The following SMIM27 variants were observed in gnomAD, a reference collection of about 807,000 sequenced individuals.
SMIM27 encodes TOPORS antisense RNA 1 (non-protein coding).
A neutral mutation model predicts 1.8 loss-of-function variants in SMIM27; 3 were observed. The ratio of observed to expected loss-of-function variants is 1.65; its 90% CI spans 0.75 to 4.28. SMIM27 has a LOEUF of 4.28. Ranked by LOEUF, SMIM27 falls within the 30% of genes most tolerant of loss-of-function variation. SMIM27 has a pLI of 0.02. For missense variants in SMIM27, 63 were observed against 37.0 expected, an observed-to-expected ratio of 1.70 and a Z score of -1.83; for synonymous variants, 19 against 13.9, an observed-to-expected ratio of 1.37 and a Z score of -0.82.
exon 2 of SMIM27, chr9:32,566,391 G>T: frequency 9.7e-7 from 1 of 1,028,062 alleles, no homozygotes; most frequent in East Asian, 2.4e-5. Context: ...TGTGATCCAG[G>T]TTCCAGGTCC....
upstream of SMIM27, chr9:32,552,176 A>G (rs1260840532): frequency 1.6e-4 from 8 of 48,524 alleles, no homozygotes; most frequent in Admixed American, 1.8e-3. Context: ...TTAGTTGGCA[A>G]AAAAAAAAAA....
intron 1 of SMIM27, 135 bp downstream of exon 1, chr9:32,552,614 C>T: frequency 1.3e-6 from 1 of 773,440 alleles, no homozygotes; most frequent in Non-Finnish European, 2.2e-6. Flanking sequence ...ACCTCGACTC[C>T]GCCTCTTCCT....
At chr9:32,555,588 A>G (rs1192492413), downstream of SMIM27, among the ~76,000 whole-genome samples, 1 of 152,232 alleles carries the variant, frequency 6.6e-6, no homozygotes, top group Admixed American at 6.5e-5. Flanking sequence ...TTTTCTTTTC[A>G]TGCTTCTAAA....
chr9:32,552,998 A>G lies in SMIM27; in HGVS notation c.*75A>G. ...TGTAGATATAAAAATAAAATTCATA[A>G]TGCAAAGTTCCCAAGTTTATTTTTG... On this transcript the variant is annotated 3_prime_UTR_variant, in exon 2 of 2. Coordinates refer to ENST00000692500, the MANE Select transcript of SMIM27 (RefSeq NM_001387564.1). 1.7e-6 allele frequency: 1 copy of G among 602,252 alleles called. No individual in the cohort carries two copies. The allele number at this position is 602,252 out of a possible 1,614,324, so 37.3% of individuals were successfully genotyped here.
downstream of SMIM27, chr9:32,553,728 TCA>T (rs1491210434): frequency 1.0e-5 from 6 of 593,754 alleles, no homozygotes; most frequent in African/African-American, 5.7e-5. Context: ...GTTAAATTAC[TCA>T]GTCTCAAATT....
At position 32,552,480 on chromosome 9, in the gene SMIM27, G is replaced by C; in HGVS notation, c.45+1G>C. On this transcript the variant is annotated splice_donor_variant, in intron 1 of 1. Coordinates refer to ENST00000692500, the MANE Select transcript of SMIM27 (RefSeq NM_001387564.1). LOFTEE classifies it high-confidence loss of function. ...CACGCTGGACTGGATTTATTCAGTG[G>C]TAAGTCCCGGGGATCGCGGGCCCCC... The C allele has an allele frequency of 6.3e-7, 1 of 1,594,156 alleles. No homozygotes were observed. Among genetic ancestry groups the C allele is most frequent in the Non-Finnish European group, 8.5e-7 (1 of 1,170,808 alleles).
At chr9:32,563,706 CAT>C (rs1326256899) in intron 1 of SMIM27, among the ~76,000 whole-genome samples, 1 of 152,062 alleles carries the variant, frequency 6.6e-6, no homozygotes, top group African/African-American at 2.4e-5. Context: ...CTAATTCTAT[CAT>C]TCAGCAAATT....
chr9:32,565,841 A>G (rs1821768686), intron 1 of SMIM27, among the ~76,000 whole-genome samples: 1 of 152,078 alleles, frequency 6.6e-6, no homozygotes, highest in Non-Finnish European at 1.5e-5. Flanking sequence ...GCATGGTGGC[A>G]CATACCTGTA....
chr9:32,552,428 C>G lies in SMIM27; in HGVS notation c.-7C>G. On this transcript the variant is annotated 5_prime_UTR_variant, in exon 1 of 2. Coordinates refer to ENST00000692500, the MANE Select transcript of SMIM27 (RefSeq NM_001387564.1). ...CAGCTCCCGCGGACTGCTGCCGCCT[C>G]CTTACCATGAAGCCAGTAAGTCGTC... 1 of 1,609,682 alleles carries G rather than the reference C, an allele frequency of 6.2e-7. No individual in the cohort carries two copies. The highest frequency in any genetic ancestry group is 8.5e-7 in the Non-Finnish European group (1 of 1,178,398).
intron 1 of SMIM27, among the ~76,000 whole-genome samples, chr9:32,565,083 A>C (rs1478458341): frequency 6.6e-6 from 1 of 152,162 alleles, no homozygotes. Flanking sequence ...ACTTGAGGTC[A>C]GGAGTTCAAG....
chr9:32,561,913 T>C (rs1434127719), intron 1 of SMIM27, among the ~76,000 whole-genome samples: 1 of 152,218 alleles, frequency 6.6e-6, no homozygotes, highest in Non-Finnish European at 1.5e-5. Context: ...TTTCTTCCCT[T>C]CAATTCACCA....
At chr9:32,566,258 T>A in intron 1 of SMIM27, 1 of 1,080,174 alleles carries the variant, frequency 9.3e-7, no homozygotes, top group Non-Finnish European at 1.4e-6. Flanking sequence ...CAGACAACAC[T>A]AATTTTAGGT....
downstream of SMIM27, among the ~76,000 whole-genome samples, chr9:32,557,528 G>A (rs1821500821): frequency 1.3e-5 from 2 of 151,168 alleles, no homozygotes; most frequent in African/African-American, 4.9e-5. Flanking sequence ...TTCTGAGGCT[G>A]GAGTGCAGTG....
chr9:32,565,896 C>T (rs961832788), intron 1 of SMIM27, among the ~76,000 whole-genome samples: 4 of 152,048 alleles, frequency 2.6e-5, no homozygotes, highest in African/African-American at 9.7e-5. Context: ...CACTTGAACC[C>T]GGGAGGCGGA....
downstream of SMIM27, chr9:32,553,282 G>A: frequency 5.3e-6 from 1 of 187,906 alleles, no homozygotes; most frequent in Non-Finnish European, 1.1e-5. Flanking sequence ...TCCGCCTTCT[G>A]GGTTCACACC....
chr9:32,552,152 G>T (rs1014596775), upstream of SMIM27: 6 of 571,068 alleles, frequency 1.1e-5, no homozygotes, highest in Admixed American at 1.9e-4. Flanking sequence ...ACCAGTGGAG[G>T]TACGCCTATC....
intron 1 of SMIM27, among the ~76,000 whole-genome samples, chr9:32,559,146 C>G (rs965631394): frequency 6.6e-6 from 1 of 152,224 alleles, no homozygotes; most frequent in Non-Finnish European, 1.5e-5. Context: ...AGGTCCCACA[C>G]TTAACTTCTC....
At chr9:32,566,154 G>T (rs953750501) in intron 1 of SMIM27, 1 of 691,558 alleles carries the variant, frequency 1.4e-6, no homozygotes, top group Admixed American at 2.2e-5. Context: ...TATGTCACTG[G>T]CGCTTTCACA....
chr9:32,553,924 A>T, downstream of SMIM27: 1 of 1,597,148 alleles, frequency 6.3e-7, no homozygotes, highest in Non-Finnish European at 8.6e-7. Context: ...TTACTTCTCC[A>T]GTCTCCAGAA....
Sources: allele counts gnomAD v4.1 joint callset (sites outside exome capture counted in the v4.1 genomes callset), GRCh38; gene constraint gnomAD v4.1.1; transcripts MANE v1.5; gene names NCBI Gene and HGNC (gene_info 2026-07-23, HGNC 2026-07-21).